The following SEMA5A variants were observed in gnomAD, a reference collection of about 807,000 sequenced individuals.
The protein encoded by SEMA5A is semaphorin 5A.
Under a neutral mutation model 135.5 loss-of-function variants are expected in SEMA5A, and 55 were observed. The observed-to-expected ratio is 0.41, with a 90% CI of 0.33 to 0.51. SEMA5A has a LOEUF of 0.51. Ranked by LOEUF, SEMA5A falls within the 20% of genes least tolerant of loss-of-function variation. SEMA5A has a pLI of 0.37. For synonymous variants in SEMA5A, 580 were observed against 546.5 expected (o/e 1.06, Z -0.85); for missense variants, 1,290 against 1,419.9 (o/e 0.91, Z 1.47).
rs1476554961 is a variant in SEMA5A at position 9,400,619 on chromosome 5, G to T, written c.-77-20596C>A. 2.9e-5 allele frequency among the ~76,000 whole-genome samples: 2 copies of T among 70,080 alleles called. 1 individual carries two copies. Among genetic ancestry groups the T allele is most frequent in the Non-Finnish European group, 5.6e-5 (2 of 36,000 alleles). 46.0% of individuals were successfully genotyped at this position (70,080 alleles called of 152,430 possible). On this transcript the variant is annotated intron_variant, in intron 2 of 22. Coordinates refer to ENST00000382496, the MANE Select transcript of SEMA5A (RefSeq NM_003966.3). ...CCTCCCGGGTTCACGCCATTCTCCC[G>T]CCTCAGCCTCCCAAGTAGCTGGGAC...
chr5:9,043,016 C>A lies in SEMA5A; in HGVS notation c.3106G>T (p.Ala1036Ser). Reference sequence around the variant, plus strand: ...AGGATCAAGTTGTTTTTGTTAAATGCCTGGAAAATATATTAAAAAAAAACA... The same window carrying A: ...AGGATCAAGTTGTTTTTGTTAAATGACTGGAAAATATATTAAAAAAAAACA... ...DKYDSVEAIK[A>S]FNKNNLILEE... Residue 1036 changes from alanine to serine, a missense_variant and splice_region_variant, in exon 23 of 23, where the codon GCA becomes TCA. Physicochemically the swap from Ala to Ser is moderately conservative, Grantham distance 99. This residue lies in a region of SEMA5A where 1,029 missense variants were observed against 1,086.6 expected (regional missense o/e 0.95). Coordinates refer to ENST00000382496, the MANE Select transcript of SEMA5A (RefSeq NM_003966.3). The A allele has an allele frequency of 1.3e-6, 2 of 1,553,270 alleles. No individual in the cohort carries two copies. The highest frequency in any genetic ancestry group is 1.7e-6 in the Non-Finnish European group (2 of 1,158,892).
chr5:9,075,656 G>T (rs1036155712), intron 16 of SEMA5A, among the ~76,000 whole-genome samples: 1 of 152,076 alleles, frequency 6.6e-6, no homozygotes, highest in Non-Finnish European at 1.5e-5. Context: ...GCTTATCTGA[G>T]ATGAGGGAGT....
At chr5:9,487,436 A>G (rs1054819263) in intron 1 of SEMA5A, among the ~76,000 whole-genome samples, 1 of 152,166 alleles carries the variant, frequency 6.6e-6, no homozygotes, top group Non-Finnish European at 1.5e-5. Flanking sequence ...CAACCATGGG[A>G]ATCGGCTCCA....
intron 15 of SEMA5A, among the ~76,000 whole-genome samples, chr5:9,116,745 C>A (rs1740536484): frequency 4.6e-5 from 7 of 152,144 alleles, no homozygotes; most frequent in Admixed American, 4.6e-4. Context: ...AGTTCTTAGT[C>A]TTTTGTATTC....
intron 13 of SEMA5A, among the ~76,000 whole-genome samples, chr5:9,131,855 A>G (rs1166086962): frequency 1.3e-5 from 2 of 151,856 alleles, no homozygotes; most frequent in Non-Finnish European, 2.9e-5. Context: ...TGGAATAGGG[A>G]CTCATTACAT....
intron 16 of SEMA5A, among the ~76,000 whole-genome samples, chr5:9,097,161 C>A (rs1197988606): frequency 6.6e-6 from 1 of 152,098 alleles, no homozygotes; most frequent in Non-Finnish European, 1.5e-5. Context: ...AAGACAGGTA[C>A]CCAGAGCATT....
At chr5:9,318,925 A>C (rs914873470) in intron 4 of SEMA5A, among the ~76,000 whole-genome samples, 12 of 152,190 alleles carry the variant, frequency 7.9e-5, no homozygotes, top group Non-Finnish European at 1.6e-4. Flanking sequence ...TGGGCCCGGC[A>C]TGGTGGTTCA....
intron 21 of SEMA5A, among the ~76,000 whole-genome samples, chr5:9,048,376 C>G (rs577854720): frequency 2.9e-4 from 44 of 152,154 alleles, no homozygotes; most frequent in Non-Finnish European, 5.3e-4. Flanking sequence ...AATACATAAG[C>G]ACTGTTCCTT....
At chr5:9,249,478 G>A (rs1015434628) in intron 5 of SEMA5A, among the ~76,000 whole-genome samples, 2 of 152,154 alleles carry the variant, frequency 1.3e-5, no homozygotes, top group African/African-American at 4.8e-5. Flanking sequence ...CTCTTTGAGA[G>A]TGACTCATTT....
At chr5:9,200,511 A>G (rs1040368253) in intron 9 of SEMA5A, among the ~76,000 whole-genome samples, 5 of 152,214 alleles carry the variant, frequency 3.3e-5, no homozygotes, top group Admixed American at 6.5e-5. Flanking sequence ...TTGGAAAGAA[A>G]ATCAACTTCA....
chr5:9,203,698 C>A (rs553204591), intron 8 of SEMA5A, among the ~76,000 whole-genome samples: 2 of 152,094 alleles, frequency 1.3e-5, no homozygotes, highest in East Asian at 3.9e-4. Flanking sequence ...GATACTTTTC[C>A]CTTCAGTACA....
chr5:9,096,229 C>T (rs1739303834), intron 16 of SEMA5A, among the ~76,000 whole-genome samples: 1 of 152,120 alleles, frequency 6.6e-6, no homozygotes, highest in Admixed American at 6.6e-5. Flanking sequence ...TAGCAAATTT[C>T]TGAATACAAC....
intron 5 of SEMA5A, among the ~76,000 whole-genome samples, chr5:9,241,735 T>A (rs922305562): frequency 6.6e-6 from 1 of 151,882 alleles, no homozygotes; most frequent in African/African-American, 2.4e-5. Context: ...CAAGAGTAAA[T>A]CAGATAGAGA....
chr5:9,066,415 A>G lies in SEMA5A; in HGVS notation c.2299+6T>C, dbSNP rs774308357. On this transcript the variant is annotated splice_donor_region_variant and intron_variant, in intron 17 of 22. Coordinates refer to ENST00000382496, the MANE Select transcript of SEMA5A (RefSeq NM_003966.3). ...GTGGGTCAGTCCCCACGGAATCACTACTCACCATCTGTGGAGCAGCCACTG... is the reference window on the plus strand; with the variant it reads ...GTGGGTCAGTCCCCACGGAATCACTGCTCACCATCTGTGGAGCAGCCACTG... 2 of 1,613,478 alleles carry G rather than the reference A, an allele frequency of 1.2e-6. No homozygotes were observed. The highest frequency in any genetic ancestry group is 8.5e-7 in the Non-Finnish European group (1 of 1,179,522).
At chr5:9,251,046 C>T (rs1748746498) in intron 5 of SEMA5A, among the ~76,000 whole-genome samples, 1 of 152,130 alleles carries the variant, frequency 6.6e-6, no homozygotes, top group Admixed American at 6.6e-5. Context: ...CTCTGTCCTA[C>T]TAAATGGGAC....
At chr5:9,463,975 G>C (rs1266966946) in intron 1 of SEMA5A, among the ~76,000 whole-genome samples, 1 of 152,128 alleles carries the variant, frequency 6.6e-6, no homozygotes. Flanking sequence ...TTTCAAATCT[G>C]TGATGCTGTA....
At chr5:9,541,441 G>T (rs1486536257) in intron 1 of SEMA5A, among the ~76,000 whole-genome samples, 1 of 152,076 alleles carries the variant, frequency 6.6e-6, no homozygotes. Flanking sequence ...AGATTAGTGG[G>T]CTCATGACCT....
At chr5:9,361,888 A>G (rs919625110) in intron 3 of SEMA5A, among the ~76,000 whole-genome samples, 9 of 152,166 alleles carry the variant, frequency 5.9e-5, no homozygotes, top group African/African-American at 2.2e-4. Context: ...CTGTGTTTAC[A>G]AGAGCCCCAA....
At chr5:9,142,298 AC>A (rs1284035628) in intron 12 of SEMA5A, among the ~76,000 whole-genome samples, 2 of 152,110 alleles carry the variant, frequency 1.3e-5, no homozygotes, top group Non-Finnish European at 2.9e-5. Context: ...CAAGAACAGA[AC>A]CTTTTTGCAG....
Sources: gnomAD v4.1 joint callset for allele counts (sites outside exome capture counted in the v4.1 genomes callset) on GRCh38, gnomAD v4.1.1 for gene constraint, gnomAD v4.1.1 regional missense constraint, MANE v1.5 for transcripts, NCBI Gene and HGNC (gene_info 2026-07-23, HGNC 2026-07-21) for gene names.